GPR39: variants seen among roughly 807,000 people sequenced by gnomAD.
The protein encoded by GPR39 is zinc sensing receptor.
GPR39 carries 23 observed loss-of-function variants against 18.4 expected under a neutral mutation model. That is an observed-to-expected ratio of 1.25 (90% CI 0.90 to 1.77). The LOEUF (loss-of-function observed/expected upper bound fraction) is 1.77, where lower values mean the gene tolerates loss of function less well. Among genes scored for constraint, GPR39 ranks in the 40% most tolerant of loss-of-function variants. The pLI, the probability that GPR39 is intolerant of heterozygous loss-of-function variation, is 0.00. For missense variants in GPR39, 647 were observed against 602.4 expected (o/e 1.07, Z -0.78); for synonymous variants, 280 against 257.9 (o/e 1.09, Z -0.82).
At chr2:132,463,933 G>A (rs938279006) in intron 1 of GPR39, among the ~76,000 whole-genome samples, 3 of 152,120 alleles carry the variant, frequency 2.0e-5, no homozygotes, top group African/African-American at 7.2e-5. Flanking sequence ...CATCCTCTAG[G>A]AGGCCAGACC....
intron 1 of GPR39, among the ~76,000 whole-genome samples, chr2:132,446,282 G>A (rs1048386283): frequency 6.6e-6 from 1 of 152,170 alleles, no homozygotes; most frequent in Non-Finnish European, 1.5e-5. Flanking sequence ...GGCATGTGCT[G>A]GGCCTCAGAG....
intron 1 of GPR39, among the ~76,000 whole-genome samples, chr2:132,482,505 C>T (rs1681253747): frequency 6.6e-6 from 1 of 152,128 alleles, no homozygotes; most frequent in Admixed American, 6.5e-5. Context: ...CTGGGGGCAT[C>T]ACTTCTACCA....
chr2:132,586,809 C>T (rs921393199), intron 1 of GPR39, among the ~76,000 whole-genome samples: 3 of 152,210 alleles, frequency 2.0e-5, no homozygotes, highest in African/African-American at 7.2e-5. Flanking sequence ...ATATGGGATT[C>T]TCGATGTCTT....
chr2:132,445,017 C>G (rs975856265), intron 1 of GPR39, among the ~76,000 whole-genome samples: 4 of 152,164 alleles, frequency 2.6e-5, no homozygotes, highest in African/African-American at 9.7e-5. Context: ...ATGGCTTCAG[C>G]TCCCCTACCG....
At chr2:132,462,148 G>A (rs1680843861) in intron 1 of GPR39, among the ~76,000 whole-genome samples, 1 of 152,174 alleles carries the variant, frequency 6.6e-6, no homozygotes, top group African/African-American at 2.4e-5. Context: ...ACACTGGACA[G>A]ATGAGATGTA....
chr2:132,615,902 C>G (rs960185696), intron 1 of GPR39, among the ~76,000 whole-genome samples: 5 of 150,834 alleles, frequency 3.3e-5, no homozygotes, highest in African/African-American at 1.2e-4. Context: ...ATGTCACGCA[C>G]TGCACACCTG....
chr2:132,636,956 G>A (rs1681772460), intron 1 of GPR39, among the ~76,000 whole-genome samples: 1 of 142,722 alleles, frequency 7.0e-6, no homozygotes, highest in Non-Finnish European at 1.6e-5. Flanking sequence ...AGTAGCATTT[G>A]GCTTCATCTG....
intron 1 of GPR39, among the ~76,000 whole-genome samples, chr2:132,464,079 G>A (rs533293450): frequency 3.3e-5 from 5 of 152,334 alleles, no homozygotes; most frequent in African/African-American, 1.2e-4. Flanking sequence ...AAGTCACAAA[G>A]CCAGCCCAGA....
At chr2:132,517,364 G>T (rs1408426397) in intron 1 of GPR39, among the ~76,000 whole-genome samples, 1 of 152,064 alleles carries the variant, frequency 6.6e-6, no homozygotes, top group Non-Finnish European at 1.5e-5. Context: ...TCTTTAAAAT[G>T]GTTGTGCCTG....
At position 132,646,259 on chromosome 2, in the gene GPR39, C is replaced by CAGGACTTGCGGT; in HGVS notation, c.*655_*666dup. On this transcript the variant is annotated 3_prime_UTR_variant, in exon 2 of 2. Coordinates refer to ENST00000329321, the MANE Select transcript of GPR39 (RefSeq NM_001508.3). ...GATGAGACAGGCCGCTGATGATGCA[C>CAGGACTTGCGGT]AGGACTTGCGGTACATGATCCCTGT... The CAGGACTTGCGGT allele has an allele frequency of 6.4e-7, 1 of 1,562,778 alleles. No individual in the cohort carries two copies. Among genetic ancestry groups the CAGGACTTGCGGT allele is most frequent in the Non-Finnish European group, 8.7e-7 (1 of 1,151,522 alleles).
At chr2:132,537,773 G>T (rs4266065) in intron 1 of GPR39, among the ~76,000 whole-genome samples, 19,073 of 151,282 alleles carry the variant, frequency 0.13, 2,073 homozygotes, top group East Asian at 0.59. Context: ...AATCTTGTCT[G>T]CATGCTTTAT....
chr2:132,552,933 C>CAT (rs1269110582), intron 1 of GPR39, among the ~76,000 whole-genome samples: 1 of 110,386 alleles, frequency 9.1e-6, no homozygotes, highest in African/African-American at 3.5e-5. Flanking sequence ...CACACACACA[C>CAT]ATATATATAT....
chr2:132,561,069 A>G (rs1234757861), intron 1 of GPR39, among the ~76,000 whole-genome samples: 1 of 150,502 alleles, frequency 6.6e-6, no homozygotes, highest in Non-Finnish European at 1.5e-5. Flanking sequence ...ACGTGCCACC[A>G]TGCCTGGCTA....
At chr2:132,565,527 T>C (rs1680334854) in intron 1 of GPR39, among the ~76,000 whole-genome samples, 1 of 148,840 alleles carries the variant, frequency 6.7e-6, no homozygotes, top group South Asian at 2.2e-4. Flanking sequence ...CTTAGGTATA[T>C]CTCCCAATGC....
At chr2:132,422,096 A>C (rs1680021900) in intron 1 of GPR39, among the ~76,000 whole-genome samples, 1 of 152,226 alleles carries the variant, frequency 6.6e-6, no homozygotes, top group African/African-American at 2.4e-5. Context: ...GCTTGAGGGC[A>C]CAATTTTTCT....
chr2:132,641,917 G>A (rs978756985), intron 1 of GPR39, among the ~76,000 whole-genome samples: 41 of 152,310 alleles, frequency 2.7e-4, no homozygotes, highest in African/African-American at 9.4e-4. Context: ...AAAATACACA[G>A]CATGGATTTT....
intron 1 of GPR39, among the ~76,000 whole-genome samples, chr2:132,568,614 G>A (rs921156401): frequency 6.6e-6 from 1 of 152,026 alleles, no homozygotes; most frequent in Non-Finnish European, 1.5e-5. Context: ...CCTGAGGCAG[G>A]AGAATGGCTG....
intron 1 of GPR39, 176 bp from the exon 2 acceptor site, chr2:132,644,923 TTC>T: frequency 1.5e-6 from 1 of 670,976 alleles, no homozygotes; most frequent in Non-Finnish European, 2.5e-6. Flanking sequence ...CAGTGTTAAA[TTC>T]TCTCTTGCTT....
At chr2:132,426,697 G>A (rs1680124081) in intron 1 of GPR39, among the ~76,000 whole-genome samples, 1 of 152,220 alleles carries the variant, frequency 6.6e-6, no homozygotes, top group African/African-American at 2.4e-5. Flanking sequence ...AGTCTTGTTT[G>A]TACTTACTGA....
Sources: gnomAD v4.1 joint callset for allele counts (sites outside exome capture counted in the v4.1 genomes callset) on GRCh38, gnomAD v4.1.1 for gene constraint, MANE v1.5 for transcripts, NCBI Gene and HGNC (gene_info 2026-07-23, HGNC 2026-07-21) for gene names.